ANKRD36C: variants seen among roughly 807,000 people sequenced by gnomAD.
ANKRD36C encodes the protein ankyrin repeat domain 36C.
Under a neutral mutation model 276.4 loss-of-function variants are expected in ANKRD36C, and 61 were observed. The observed-to-expected ratio is 0.22, with a 90% CI of 0.18 to 0.27. The LOEUF is 0.27. Among genes scored for constraint, ANKRD36C ranks in the 10% least tolerant of loss-of-function variants. The pLI is 1.00. For synonymous variants in ANKRD36C, 483 were observed against 680.1 expected, an observed-to-expected ratio of 0.71 and a Z score of 4.51; for missense variants, 1,447 against 2,032.3, an observed-to-expected ratio of 0.71 and a Z score of 5.54.
rs1357222217 is a variant in ANKRD36C at position 95,879,728 on chromosome 2, T to C, written c.3469+699A>G. ...AAAACAAATGTTACAAAATAAAACA[T>C]TTCATTAGCTAAAAGCCATAATTTT... On this transcript the variant is annotated intron_variant, in intron 58 of 66. Transcript: ENST00000456556. Among the ~76,000 whole-genome samples, 21 of 152,096 alleles carry C rather than the reference T, an allele frequency of 1.4e-4. 1 individual carries two copies. Among genetic ancestry groups the C allele is most frequent in the Admixed American group, 1.4e-3 (21 of 15,272 alleles).
At chr2:95,902,844 T>G in intron 42 of ANKRD36C, 42 bp downstream of exon 54, 1 of 1,525,422 alleles carries the variant, frequency 6.6e-7, no homozygotes, top group Non-Finnish European at 8.9e-7. Context: ...ATTTCTTATC[T>G]ATCTGGACTG....
intron 59 of ANKRD36C, among the ~76,000 whole-genome samples, chr2:95,867,809 G>A (rs1472356746): frequency 6.7e-6 from 1 of 149,188 alleles, no homozygotes; most frequent in African/African-American, 2.4e-5. Flanking sequence ...AACTGACAGA[G>A]AGACTTGGGT....
At chr2:95,966,381 C>A (rs546482741) in intron 6 of ANKRD36C, among the ~76,000 whole-genome samples, 1 of 152,132 alleles carries the variant, frequency 6.6e-6, no homozygotes, top group Non-Finnish European at 1.5e-5. Context: ...CAGTTTCCTG[C>A]ACAAGGCTAG....
downstream of ANKRD36C, among the ~76,000 whole-genome samples, chr2:95,850,058 G>A (rs1675257370): frequency 6.6e-6 from 1 of 152,264 alleles, no homozygotes; most frequent in Non-Finnish European, 1.5e-5. Context: ...CTAAGAGAAA[G>A]TCAGTATATG....
intron 44 of ANKRD36C, among the ~76,000 whole-genome samples, chr2:95,897,700 CA>C (rs1192504667): frequency 6.9e-6 from 1 of 144,974 alleles, no homozygotes; most frequent in Non-Finnish European, 1.5e-5. Context: ...TGTCATATGC[CA>C]AAAACTAAAA....
At chr2:95,928,234 C>T (rs1020634911) in intron 26 of ANKRD36C, among the ~76,000 whole-genome samples, 7 of 151,560 alleles carry the variant, frequency 4.6e-5, no homozygotes, top group Non-Finnish European at 8.9e-5. Context: ...ATTTTTGTTT[C>T]TAAAATAGCC....
At chr2:95,890,182 GA>G (rs1321447568) in intron 46 of ANKRD36C, among the ~76,000 whole-genome samples, 188 bp from the exon 67 acceptor site, 3 of 151,414 alleles carry the variant, frequency 2.0e-5, no homozygotes, top group Non-Finnish European at 4.4e-5. Context: ...CAGGCTCCAT[GA>G]AATATATCCT....
chr2:95,986,787 A>C, exon 3 of ANKRD36C: 2 of 1,611,992 alleles, frequency 1.2e-6, no homozygotes, highest in Non-Finnish European at 1.7e-6. Context: ...CATATGAAAG[A>C]AGTTTTTCTA....
chr2:95,971,750 C>T (rs1432597532), intron 6 of ANKRD36C, among the ~76,000 whole-genome samples: 2 of 151,684 alleles, frequency 1.3e-5, no homozygotes, highest in African/African-American at 4.8e-5. Flanking sequence ...AAAACTGAAC[C>T]ATCTATATAA....
intron 44 of ANKRD36C, among the ~76,000 whole-genome samples, 180 bp downstream of exon 62, chr2:95,895,219 A>G (rs1465771507): frequency 6.7e-6 from 1 of 148,158 alleles, no homozygotes; most frequent in African/African-American, 2.5e-5. Context: ...ATAATCTTAC[A>G]GCAAAGATCA....
intron 60 of ANKRD36C, among the ~76,000 whole-genome samples, chr2:95,864,426 G>A (rs1675644591): frequency 6.6e-6 from 1 of 151,526 alleles, no homozygotes; most frequent in African/African-American, 2.4e-5. Flanking sequence ...GATAAACAAC[G>A]TCTATGATGA....
intron 60 of ANKRD36C, among the ~76,000 whole-genome samples, chr2:95,862,317 G>C (rs2264718): frequency 1.3e-5 from 2 of 151,860 alleles, no homozygotes; most frequent in East Asian, 1.9e-4. Flanking sequence ...AAGGATTTAA[G>C]TCATACAAAG....
intron 34 of ANKRD36C, among the ~76,000 whole-genome samples, chr2:95,918,697 C>T (rs1047988721): frequency 2.8e-4 from 43 of 151,754 alleles, no homozygotes; most frequent in African/African-American, 8.9e-4. Flanking sequence ...TTCGTCAAGT[C>T]GTGGCACCAA....
chr2:95,911,988 C>A (rs1432455193), intron 42 of ANKRD36C, among the ~76,000 whole-genome samples: 2 of 151,448 alleles, frequency 1.3e-5, no homozygotes, highest in Non-Finnish European at 3.0e-5. Flanking sequence ...TGCTGTACCC[C>A]AGAGCCCCTT....
intron 38 of ANKRD36C, 118 bp from the exon 41 acceptor site, chr2:95,914,421 T>C: frequency 7.7e-7 from 1 of 1,299,586 alleles, no homozygotes; most frequent in South Asian, 1.3e-5. Context: ...TAGTCTTTGA[T>C]GGCTTCTACT....
intron 66 of ANKRD36C, 137 bp from the exon 87 acceptor site, chr2:95,851,332 T>C (rs1270924363): frequency 1.3e-6 from 1 of 755,380 alleles, no homozygotes; most frequent in Non-Finnish European, 2.2e-6. Flanking sequence ...CAAAATGCTC[T>C]ACAATCTGAA....
intron 40 of ANKRD36C, 36 bp downstream of exon 42, chr2:95,914,072 G>T: frequency 6.6e-7 from 1 of 1,522,924 alleles, no homozygotes; most frequent in Non-Finnish European, 8.9e-7. Context: ...TATCTATCTC[G>T]ACTGATCATG....
At chr2:95,869,143 A>G (rs1451320390) in intron 59 of ANKRD36C, among the ~76,000 whole-genome samples, 3 of 152,230 alleles carry the variant, frequency 2.0e-5, no homozygotes, top group Non-Finnish European at 4.4e-5. Flanking sequence ...GTAAAAAGAG[A>G]AAAATTAAAA....
downstream of ANKRD36C, among the ~76,000 whole-genome samples, chr2:95,850,417 A>G (rs1464290334): frequency 3.3e-5 from 5 of 152,216 alleles, no homozygotes; most frequent in Non-Finnish European, 5.9e-5. Context: ...GTTTGTGTCA[A>G]TATTGTAGGC....
Sources: gnomAD v4.1 joint callset for allele counts (sites outside exome capture counted in the v4.1 genomes callset) on GRCh38, gnomAD v4.1.1 for gene constraint, MANE v1.5 for transcripts, NCBI Gene and HGNC (gene_info 2026-07-23, HGNC 2026-07-21) for gene names.